Variants in ILKAP observed in about 807,000 individuals in gnomAD.
The protein encoded by ILKAP is ILK associated serine/threonine phosphatase.
A neutral mutation model predicts 49.1 loss-of-function variants in ILKAP; 11 were observed. The observed-to-expected ratio is 0.22, with a 90% CI of 0.14 to 0.37. ILKAP has a LOEUF of 0.37. Ranked by LOEUF, ILKAP falls within the 10% of genes least tolerant of loss-of-function variation. The pLI is 1.00. For synonymous variants in ILKAP, 186 were observed against 192.8 expected, an observed-to-expected ratio of 0.96 and a Z score of 0.29; for missense variants, 363 against 510.8, an observed-to-expected ratio of 0.71 and a Z score of 2.79.
At chr2:238,179,936 C>G (rs1328134038) in intron 9 of ILKAP, among the ~76,000 whole-genome samples, 3 of 152,104 alleles carry the variant, frequency 2.0e-5, no homozygotes, top group Admixed American at 1.3e-4. Context: ...GTATTCCCTG[C>G]ACTCTGGGAG....
intron 1 of ILKAP, among the ~76,000 whole-genome samples, chr2:238,199,094 T>TA (rs1694464177): frequency 6.6e-6 from 1 of 152,104 alleles, no homozygotes; most frequent in Non-Finnish European, 1.5e-5. Context: ...ATACTCCACA[T>TA]ATAGTGTTCA....
chr2:238,194,676 T>G, intron 2 of ILKAP, 129 bp downstream of exon 2: 1 of 955,876 alleles, frequency 1.0e-6, no homozygotes, highest in Non-Finnish European at 1.6e-6. Context: ...GATTCAAAAC[T>G]TAAAGACAGT....
intron 4 of ILKAP, chr2:238,188,603 C>A: frequency 5.5e-6 from 1 of 182,056 alleles, no homozygotes; most frequent in Non-Finnish European, 1.2e-5. Context: ...GGATCATGTG[C>A]AAATTAGTCT....
chr2:238,185,945 C>T (rs961606397), intron 5 of ILKAP: 11 of 152,210 alleles, frequency 7.2e-5, no homozygotes, highest in Non-Finnish European at 1.2e-4. Context: ...TTAAAACTCA[C>T]ATTTGCTTCA....
intron 1 of ILKAP, among the ~76,000 whole-genome samples, chr2:238,200,742 T>A (rs1475509234): frequency 1.3e-5 from 2 of 152,224 alleles, no homozygotes; most frequent in Non-Finnish European, 2.9e-5. Flanking sequence ...GAATCACCTG[T>A]GCCCACGGAG....
rs1444712691 is a variant in ILKAP, at chr2:238,188,119, CAT to C, written c.425+10_425+11del. The C allele has an allele frequency of 6.3e-5, 101 of 1,613,602 alleles. No individual in the cohort carries two copies. In the East Asian group the frequency reaches 1.5e-3, roughly 24 times the overall value. ...TTAATGCCAGCCGGGCTTCCTACCA[CAT>C]GAGACTCACATGAGGGACGATGGGG... On this transcript the variant is annotated intron_variant, in intron 5 of 11. Coordinates refer to ENST00000254654, the MANE Select transcript of ILKAP (RefSeq NM_030768.3).
At chr2:238,172,891 G>A (rs554829542) in intron 10 of ILKAP, among the ~76,000 whole-genome samples, 3 of 152,232 alleles carry the variant, frequency 2.0e-5, no homozygotes, top group South Asian at 4.1e-4. Flanking sequence ...CTGCTGCACC[G>A]CTGCTCACAG....
chr2:238,201,580 T>A (rs994726201), intron 1 of ILKAP, among the ~76,000 whole-genome samples: 5 of 152,224 alleles, frequency 3.3e-5, no homozygotes, highest in Non-Finnish European at 5.9e-5. Flanking sequence ...CAACAGGATG[T>A]ACCTTTCCCA....
intron 9 of ILKAP, among the ~76,000 whole-genome samples, chr2:238,179,486 T>G (rs35910315): frequency 1.7e-3 from 265 of 152,336 alleles, no homozygotes; most frequent in Non-Finnish European, 3.0e-3. Flanking sequence ...AAATCATCTT[T>G]GACATCCCTG....
chr2:238,193,173 A>C (rs534369328), intron 3 of ILKAP, among the ~76,000 whole-genome samples: 1 of 152,342 alleles, frequency 6.6e-6, no homozygotes, highest in Non-Finnish European at 1.5e-5. Flanking sequence ...GCTATGCTGT[A>C]TCTTCATTTC....
chr2:238,182,282 A>G (rs998478469), intron 8 of ILKAP, 96 bp from the exon 9 acceptor site: 1 of 1,430,878 alleles, frequency 7.0e-7, no homozygotes. Flanking sequence ...AGTTTGAAGA[A>G]AACAGTTAAC....
chr2:238,172,305 G>A (rs567967429), intron 10 of ILKAP, among the ~76,000 whole-genome samples: 2 of 152,152 alleles, frequency 1.3e-5, no homozygotes, highest in Non-Finnish European at 1.5e-5. Context: ...ACCTGCCTCC[G>A]CCTCCCAAAG....
intron 10 of ILKAP, among the ~76,000 whole-genome samples, chr2:238,172,442 G>A (rs1335617044): frequency 1.3e-5 from 2 of 152,202 alleles, no homozygotes; most frequent in African/African-American, 2.4e-5. Context: ...AGTCCTGGCA[G>A]GCTCCCACCC....
At chr2:238,201,681 G>A (rs1413127774) in intron 1 of ILKAP, among the ~76,000 whole-genome samples, 1 of 152,238 alleles carries the variant, frequency 6.6e-6, no homozygotes, top group African/African-American at 2.4e-5. Context: ...CTCCTGAGCA[G>A]AACCTAATTA....
chr2:238,200,740 T>C (rs1694533670), intron 1 of ILKAP, among the ~76,000 whole-genome samples: 1 of 152,242 alleles, frequency 6.6e-6, no homozygotes, highest in Non-Finnish European at 1.5e-5. Flanking sequence ...AAGAATCACC[T>C]GTGCCCACGG....
intron 8 of ILKAP, among the ~76,000 whole-genome samples, chr2:238,183,037 C>T (rs187538127): frequency 2.0e-5 from 3 of 152,128 alleles, no homozygotes; most frequent in African/African-American, 2.4e-5. Context: ...AAAGCGGCAA[C>T]GGAACGGAAC....
chr2:238,171,081 T>TA (rs934829656), intron 10 of ILKAP, 57 bp from the exon 11 acceptor site: 2 of 1,122,016 alleles, frequency 1.8e-6, no homozygotes, highest in Non-Finnish European at 2.6e-6. Flanking sequence ...AAATAAAAAA[T>TA]AAAAAAAGGG....
chr2:238,195,717 A>C (rs1694312649), intron 1 of ILKAP, among the ~76,000 whole-genome samples: 1 of 151,886 alleles, frequency 6.6e-6, no homozygotes, highest in Non-Finnish European at 1.5e-5. Context: ...GCTCTATCCC[A>C]CCTCTTGCTC....
At chr2:238,183,990 A>G (rs1175365632) in intron 7 of ILKAP, 30 bp downstream of exon 7, 1 of 1,307,872 alleles carries the variant, frequency 7.6e-7, no homozygotes, top group African/African-American at 1.4e-5. Flanking sequence ...CACACAGTCC[A>G]CTCAAACTTC....
Sources: gnomAD v4.1 joint callset for allele counts (sites outside exome capture counted in the v4.1 genomes callset) on GRCh38, gnomAD v4.1.1 for gene constraint, MANE v1.5 for transcripts, NCBI Gene and HGNC (gene_info 2026-07-23, HGNC 2026-07-21) for gene names.